Variants in MAP3K5 observed in about 807,000 individuals in gnomAD.
The protein encoded by MAP3K5 is ASK-1.
Under a neutral mutation model 158.7 loss-of-function variants are expected in MAP3K5, and 56 were observed. That is an observed-to-expected ratio of 0.35 (90% CI 0.28 to 0.44). The LOEUF is 0.44. MAP3K5 is among the 20% of genes least tolerant of loss of function. The pLI is 1.00. For missense variants in MAP3K5, 1,294 were observed against 1,674.8 expected (o/e 0.77, Z 3.97); for synonymous variants, 579 against 601.7 (o/e 0.96, Z 0.55).
intron 14 of MAP3K5, among the ~76,000 whole-genome samples, chr6:136,635,725 C>CAAAA (rs140167177): frequency 4.4e-5 from 3 of 67,862 alleles, no homozygotes; most frequent in African/African-American, 6.0e-5. Context: ...CCGTCTCCAC[C>CAAAA]AAAAAAAAAA....
At chr6:136,559,627 C>G (rs920913252) in intron 28 of MAP3K5, among the ~76,000 whole-genome samples, 7 of 152,308 alleles carry the variant, frequency 4.6e-5, no homozygotes, top group Admixed American at 4.6e-4. Flanking sequence ...CATGGTTAAG[C>G]AAAGGCACTT....
chr6:136,617,282 T>C (rs1381248127), intron 15 of MAP3K5, among the ~76,000 whole-genome samples: 1 of 152,216 alleles, frequency 6.6e-6, no homozygotes, highest in Non-Finnish European at 1.5e-5. Flanking sequence ...AATTATAATT[T>C]GTTCACATCA....
At chr6:136,636,190 A>C (rs1777626596) in intron 14 of MAP3K5, among the ~76,000 whole-genome samples, 1 of 152,140 alleles carries the variant, frequency 6.6e-6, no homozygotes, top group South Asian at 2.1e-4. Context: ...TTAGGTCTTG[A>C]AGGCAGAGCA....
intron 7 of MAP3K5, among the ~76,000 whole-genome samples, chr6:136,684,737 G>A (rs892108773): frequency 6.6e-5 from 10 of 151,992 alleles, no homozygotes; most frequent in South Asian, 4.2e-4. Flanking sequence ...AGCATGTGAC[G>A]GGCACCACTG....
chr6:136,686,362 G>C (rs567507813), intron 7 of MAP3K5, among the ~76,000 whole-genome samples: 103 of 152,238 alleles, frequency 6.8e-4, no homozygotes, highest in African/African-American at 2.4e-3. Context: ...AAAAGCAGTA[G>C]AAGACAAGGA....
At chr6:136,654,305 A>T (rs1402402674) in intron 10 of MAP3K5, among the ~76,000 whole-genome samples, 2 of 152,244 alleles carry the variant, frequency 1.3e-5, no homozygotes, top group Non-Finnish European at 2.9e-5. Context: ...AATGGTGTCA[A>T]CTGTTGTAAA....
chr6:136,583,278 C>A lies in MAP3K5; in HGVS notation c.3411+277G>T, dbSNP rs1237011366. ...GTTGTCAAAATAAACAATGACCCAA[C>A]ATAATTTCATAAGAACGAAGTTCAG... On this transcript the variant is annotated intron_variant, in intron 24 of 29. Transcript: ENST00000359015. Among the ~76,000 whole-genome samples the A allele has an allele frequency of 4.6e-5, 7 of 152,222 alleles. No individual in the cohort carries two copies. In the South Asian group the frequency reaches 1.2e-3, roughly 27 times the overall value.
At chr6:136,759,559 A>G (rs1731926676) in intron 1 of MAP3K5, among the ~76,000 whole-genome samples, 2 of 148,504 alleles carry the variant, frequency 1.3e-5, no homozygotes, top group Admixed American at 6.7e-5. Context: ...CAACCTCTAC[A>G]TCCTAGGCTC....
At chr6:136,579,809 TA>T (rs201558467) in intron 25 of MAP3K5, 6 of 451,904 alleles carry the variant, frequency 1.3e-5, no homozygotes, top group Non-Finnish European at 1.8e-5. Flanking sequence ...GACTAGTCTT[TA>T]AAAAAAAATC....
chr6:136,762,954 G>A (rs1038761973), intron 1 of MAP3K5, among the ~76,000 whole-genome samples: 10 of 152,044 alleles, frequency 6.6e-5, no homozygotes, highest in Admixed American at 6.6e-5. Context: ...AATACATACC[G>A]GATGCATGTT....
At chr6:136,656,253 C>A in intron 10 of MAP3K5, 54 bp downstream of exon 10, 1 of 1,531,000 alleles carries the variant, frequency 6.5e-7, no homozygotes, top group Non-Finnish European at 9.0e-7. Flanking sequence ...AATCACAGTA[C>A]AAGATGTTCT....
At chr6:136,757,006 C>A (rs1217560848) in intron 1 of MAP3K5, among the ~76,000 whole-genome samples, 1 of 152,140 alleles carries the variant, frequency 6.6e-6, no homozygotes, top group African/African-American at 2.4e-5. Flanking sequence ...CTATGGTTTT[C>A]CAGCAAATCA....
At chr6:136,781,879 T>G (rs982511608) in intron 1 of MAP3K5, among the ~76,000 whole-genome samples, 1 of 152,172 alleles carries the variant, frequency 6.6e-6, no homozygotes, top group Admixed American at 6.5e-5. Context: ...AGCTGACATT[T>G]GTCACAATGA....
chr6:136,629,877 G>T (rs553558968), intron 14 of MAP3K5, among the ~76,000 whole-genome samples: 1 of 151,786 alleles, frequency 6.6e-6, no homozygotes, highest in Non-Finnish European at 1.5e-5. Flanking sequence ...TTAGCCTCCC[G>T]AGTAGCTGGG....
intron 1 of MAP3K5, among the ~76,000 whole-genome samples, chr6:136,765,047 C>T (rs138922413): frequency 2.2e-4 from 33 of 152,288 alleles, no homozygotes; most frequent in African/African-American, 7.7e-4. Flanking sequence ...ACTTTTTATA[C>T]AGTATCCTAA....
Position 136,601,801 on chromosome 6 carries a change from C to T in MAP3K5, c.2857+1G>A. ...ATATCCTCTTCAATGCAACCACATA[C>T]CTGAAAGCTTAGGTTGTGTCTTTTT... On this transcript the variant is annotated splice_donor_variant, in intron 20 of 29. Coordinates refer to ENST00000359015, the MANE Select transcript of MAP3K5 (RefSeq NM_005923.4). LOFTEE classifies it high-confidence loss of function. The T allele has an allele frequency of 1.2e-6, 2 of 1,613,814 alleles. No individual in the cohort carries two copies. The highest frequency in any genetic ancestry group is 1.7e-6 in the Non-Finnish European group (2 of 1,179,892).
At chr6:136,611,931 T>C (rs1454438881) in intron 17 of MAP3K5, among the ~76,000 whole-genome samples, 1 of 152,200 alleles carries the variant, frequency 6.6e-6, no homozygotes, top group Non-Finnish European at 1.5e-5. Flanking sequence ...ATCACTATTG[T>C]AGAACTGAAG....
At chr6:136,791,675 G>A (rs1330497474) in intron 1 of MAP3K5, 35 bp downstream of exon 1, 2 of 1,607,420 alleles carry the variant, frequency 1.2e-6, no homozygotes, top group Admixed American at 3.3e-5. Flanking sequence ...CGCGGGTCCC[G>A]ACCGCGCGGG....
intron 7 of MAP3K5, among the ~76,000 whole-genome samples, chr6:136,679,157 T>C (rs1295151433): frequency 3.9e-5 from 6 of 152,248 alleles, no homozygotes; most frequent in African/African-American, 1.4e-4. Flanking sequence ...ATTTGTCACC[T>C]GATTGCAAAC....
Sources: allele counts gnomAD v4.1 joint callset (sites outside exome capture counted in the v4.1 genomes callset), GRCh38; gene constraint gnomAD v4.1.1; transcripts MANE v1.5; gene names NCBI Gene and HGNC (gene_info 2026-07-23, HGNC 2026-07-21).